The following PLEKHM3 variants were observed in gnomAD, a reference collection of about 807,000 sequenced individuals.
The protein encoded by PLEKHM3 is pleckstrin homology domain containing M3.
Under a neutral mutation model 81.8 loss-of-function variants are expected in PLEKHM3, and 45 were observed. The ratio of observed to expected loss-of-function variants is 0.55; its 90% confidence interval spans 0.43 to 0.71. The LOEUF (loss-of-function observed/expected upper bound fraction) is 0.71, where lower values mean the gene tolerates loss of function less well. PLEKHM3 is among the 30% of genes least tolerant of loss of function. The probability of loss-of-function intolerance (pLI) is 0.00; values close to 1 mark genes in which losing one functional copy is unlikely to be tolerated. For missense variants in PLEKHM3, 788 were observed against 924.3 expected, an observed-to-expected ratio of 0.85 and a Z score of 1.91; for synonymous variants, 352 against 356.4, an observed-to-expected ratio of 0.99 and a Z score of 0.14.
At chr2:207,872,606 G>A (rs1458824768) in intron 6 of PLEKHM3, among the ~76,000 whole-genome samples, 2 of 152,172 alleles carry the variant, frequency 1.3e-5, no homozygotes, top group African/African-American at 4.8e-5. Flanking sequence ...GGGAGGCTGA[G>A]GGGGATGGAT....
intron 3 of PLEKHM3, among the ~76,000 whole-genome samples, chr2:207,956,053 C>T (rs1248178356): frequency 6.6e-6 from 1 of 152,018 alleles, no homozygotes; most frequent in Non-Finnish European, 1.5e-5. Context: ...CATAAAGGCT[C>T]AAGTCAGAAA....
intron 7 of PLEKHM3, among the ~76,000 whole-genome samples, chr2:207,830,009 CT>C (rs1345710372): frequency 1.3e-5 from 2 of 152,012 alleles, no homozygotes; most frequent in African/African-American, 4.8e-5. Context: ...TGGAGACACA[CT>C]GTTGCGGGGT....
At position 208,001,422 on chromosome 2, in the gene PLEKHM3, C is replaced by G; in HGVS notation, c.218G>C (p.Trp73Ser). Residue 73 changes from tryptophan to serine, a missense_variant, in exon 2 of 8, where the codon TGG becomes TCG. Physicochemically the swap from Trp to Ser is radical, Grantham distance 177. Transcript: ENST00000427836. ...TAAGAGCCTGCTCTTACAGTGGTCC[C>G]AAATCATGCCCCCCTTGCCCAGGGA... is the stretch of plus-strand genomic sequence containing the variant. ...VTSLGKGGMI[W>S]DHCKSRLLET... 1 of 1,614,156 alleles carries G rather than the reference C, an allele frequency of 6.2e-7. No homozygotes were observed. Among genetic ancestry groups the G allele is most frequent in the South Asian group, 1.1e-5 (1 of 91,080 alleles).
At chr2:208,013,835 C>A (rs1208263325) in intron 1 of PLEKHM3, among the ~76,000 whole-genome samples, 4 of 152,210 alleles carry the variant, frequency 2.6e-5, no homozygotes, top group Non-Finnish European at 5.9e-5. Context: ...CTTTAACCTT[C>A]AAAACAACAA....
At chr2:207,920,586 A>C (rs1375065557) in intron 5 of PLEKHM3, among the ~76,000 whole-genome samples, 4 of 152,180 alleles carry the variant, frequency 2.6e-5, no homozygotes, top group African/African-American at 9.6e-5. Context: ...AGAGAAAAAA[A>C]AATGTAGAAT....
intron 6 of PLEKHM3, among the ~76,000 whole-genome samples, chr2:207,873,742 T>C (rs2092546578): frequency 6.6e-6 from 1 of 152,224 alleles, no homozygotes; most frequent in Non-Finnish European, 1.5e-5. Flanking sequence ...CTTCCTTTCA[T>C]CAATGCATTT....
At chr2:207,972,505 T>C (rs765605664) in intron 3 of PLEKHM3, among the ~76,000 whole-genome samples, 1 of 150,450 alleles carries the variant, frequency 6.6e-6, no homozygotes, top group Non-Finnish European at 1.5e-5. Context: ...GAGAATCACT[T>C]GAACCCAGGA....
chr2:208,007,350 C>A (rs529108459), intron 1 of PLEKHM3, among the ~76,000 whole-genome samples: 2 of 152,234 alleles, frequency 1.3e-5, no homozygotes, highest in South Asian at 4.1e-4. Flanking sequence ...AGAGGATCTG[C>A]CCCTAGTAAA....
chr2:207,834,176 C>G (rs2092304441), intron 7 of PLEKHM3, among the ~76,000 whole-genome samples: 1 of 148,536 alleles, frequency 6.7e-6, no homozygotes, highest in Admixed American at 6.8e-5. Flanking sequence ...GTTGGCCAGG[C>G]TGGAGTGCAA....
intron 5 of PLEKHM3, among the ~76,000 whole-genome samples, chr2:207,924,840 C>T (rs900978873): frequency 6.6e-6 from 1 of 152,082 alleles, no homozygotes; most frequent in African/African-American, 2.4e-5. Context: ...GTTGGGTATT[C>T]CTAGCATTAG....
At chr2:207,943,742 C>G (rs1237048331) in intron 4 of PLEKHM3, among the ~76,000 whole-genome samples, 1 of 150,522 alleles carries the variant, frequency 6.6e-6, no homozygotes, top group Non-Finnish European at 1.5e-5. Flanking sequence ...GTGGCGGGCG[C>G]CTGTAGTCCC....
intron 1 of PLEKHM3, among the ~76,000 whole-genome samples, chr2:208,023,142 A>T (rs1438793587): frequency 1.3e-5 from 2 of 151,904 alleles, no homozygotes; most frequent in African/African-American, 4.8e-5. Flanking sequence ...GAAATTTACC[A>T]TATTAACCTT....
At chr2:207,831,133 G>A (rs186957863) in intron 7 of PLEKHM3, among the ~76,000 whole-genome samples, 244 of 152,298 alleles carry the variant, frequency 1.6e-3, no homozygotes, top group African/African-American at 5.4e-3. Context: ...GGACTGCTCC[G>A]GCCAGGGTGC....
intron 7 of PLEKHM3, among the ~76,000 whole-genome samples, chr2:207,850,428 TACATGTC>T (rs974066191): frequency 7.9e-5 from 12 of 152,234 alleles, no homozygotes; most frequent in African/African-American, 2.9e-4. Flanking sequence ...GAGGATGACT[TACATGTC>T]ACATGAAAAA....
In PLEKHM3 at chr2:207,825,422, G is replaced by C. The variant is rs1380185710; in HGVS notation, c.*2897C>G. ...TTTTATGTGCAAGATATTTAATATG[G>C]GATGAAAAATGGAACACGAGGAAAA... On this transcript the variant is annotated 3_prime_UTR_variant, in exon 8 of 8. Transcript: ENST00000427836. The C allele has an allele frequency of 6.6e-6, 1 of 152,168 alleles. No homozygotes were observed. The highest frequency in any genetic ancestry group is 2.4e-5 in the African/African-American group (1 of 41,430). The allele number at this position is 152,168 out of a possible 1,614,324, so 9.4% of individuals were successfully genotyped here.
At chr2:207,934,119 A>G (rs1474970390) in intron 4 of PLEKHM3, among the ~76,000 whole-genome samples, 1 of 152,238 alleles carries the variant, frequency 6.6e-6, no homozygotes, top group Non-Finnish European at 1.5e-5. Flanking sequence ...TTACTTAGGA[A>G]CAAAAGCCAA....
intron 2 of PLEKHM3, among the ~76,000 whole-genome samples, chr2:207,986,838 ATTTTTTT>A (rs370986896): frequency 4.9e-4 from 62 of 126,296 alleles, no homozygotes; most frequent in South Asian, 2.2e-3. Flanking sequence ...TGCCCAGCTA[ATTTTTTT>A]TTTTTTTTTT....
At chr2:208,008,472 A>G (rs928655471) in intron 1 of PLEKHM3, among the ~76,000 whole-genome samples, 1 of 139,424 alleles carries the variant, frequency 7.2e-6, no homozygotes, top group Non-Finnish European at 1.5e-5. Context: ...GCTCCAAAAA[A>G]ATCAAATACC....
At chr2:207,945,706 A>G (rs1690100634) in intron 4 of PLEKHM3, among the ~76,000 whole-genome samples, 1 of 152,200 alleles carries the variant, frequency 6.6e-6, no homozygotes, top group African/African-American at 2.4e-5. Flanking sequence ...GTTTGAGACC[A>G]GCCTGGGGAA....
Sources: allele counts gnomAD v4.1 joint callset (sites outside exome capture counted in the v4.1 genomes callset), GRCh38; gene constraint gnomAD v4.1.1; transcripts MANE v1.5; gene names NCBI Gene and HGNC (gene_info 2026-07-23, HGNC 2026-07-21).